The following LRRIQ1 variants were observed in gnomAD, a reference collection of about 807,000 sequenced individuals.
LRRIQ1 encodes the protein leucine rich repeats and IQ motif containing 1, also known as leucine-rich repeat- and IQ domain-containing protein 1.
Under a neutral mutation model 211.9 loss-of-function variants are expected in LRRIQ1, and 210 were observed. That is an observed-to-expected ratio of 0.99 (90% CI 0.89 to 1.11). The LOEUF is 1.11. Among genes scored for constraint, LRRIQ1 ranks in the 50% most tolerant of loss-of-function variants. The probability of loss-of-function intolerance (pLI) is 0.00; values close to 1 mark genes in which losing one functional copy is unlikely to be tolerated. For synonymous variants in LRRIQ1, 699 were observed against 650.1 expected, an observed-to-expected ratio of 1.08 and a Z score of -1.14; for missense variants, 2,136 against 1,939.5, an observed-to-expected ratio of 1.10 and a Z score of -1.90.
chr12:85,095,597 C>G (rs1242350979), intron 11 of LRRIQ1, among the ~76,000 whole-genome samples: 1 of 152,014 alleles, frequency 6.6e-6, no homozygotes, highest in Non-Finnish European at 1.5e-5. Flanking sequence ...GTTGTTCTGT[C>G]ACTGCCAGAT....
At chr12:85,077,646 G>T (rs1023715952) in intron 11 of LRRIQ1, among the ~76,000 whole-genome samples, 4 of 152,002 alleles carry the variant, frequency 2.6e-5, no homozygotes, top group African/African-American at 9.7e-5. Flanking sequence ...TGACATTAAA[G>T]AATTTGTAAA....
intron 19 of LRRIQ1, among the ~76,000 whole-genome samples, chr12:85,151,165 T>C (rs931198263): frequency 6.6e-6 from 1 of 151,560 alleles, no homozygotes; most frequent in East Asian, 1.9e-4. Flanking sequence ...TAATATTCGC[T>C]ACCTAGAAGA....
At chr12:85,196,751 C>G (rs1892937149) in intron 24 of LRRIQ1, among the ~76,000 whole-genome samples, 1 of 151,566 alleles carries the variant, frequency 6.6e-6, no homozygotes, top group African/African-American at 2.4e-5. Context: ...CATTACCATT[C>G]AGGACATAGG....
intron 11 of LRRIQ1, among the ~76,000 whole-genome samples, chr12:85,077,990 A>G (rs1480444672): frequency 6.7e-6 from 1 of 149,498 alleles, no homozygotes; most frequent in African/African-American, 2.5e-5. Flanking sequence ...CCTGTCTCAA[A>G]AAAAAAAAAA....
chr12:85,126,656 T>G (rs1831570336), intron 17 of LRRIQ1, among the ~76,000 whole-genome samples: 1 of 152,186 alleles, frequency 6.6e-6, no homozygotes, highest in Non-Finnish European at 1.5e-5. Flanking sequence ...ATTTTAGCCT[T>G]TAACTTCAAT....
chr12:85,198,175 TTA>T (rs1274381300), intron 24 of LRRIQ1, among the ~76,000 whole-genome samples: 2 of 130,240 alleles, frequency 1.5e-5, no homozygotes, highest in Non-Finnish European at 3.1e-5. Context: ...ATATTTATAT[TTA>T]TATATATATA....
chr12:85,069,511 G>A (rs1351759014), intron 10 of LRRIQ1, among the ~76,000 whole-genome samples: 16 of 152,052 alleles, frequency 1.1e-4, no homozygotes, highest in Admixed American at 9.2e-4. Flanking sequence ...CTGAGGAATC[G>A]CCACGCTGAC....
chr12:85,179,570 C>T (rs967012629), intron 24 of LRRIQ1, among the ~76,000 whole-genome samples: 11 of 151,926 alleles, frequency 7.2e-5, no homozygotes, highest in Admixed American at 7.2e-4. Flanking sequence ...GGAATTCATC[C>T]TTGTACTTTC....
intron 23 of LRRIQ1, among the ~76,000 whole-genome samples, chr12:85,154,672 C>G (rs1890444047): frequency 6.6e-6 from 1 of 151,078 alleles, no homozygotes. Flanking sequence ...AGTGTAATTA[C>G]TTAATATATG....
intron 2 of LRRIQ1, among the ~76,000 whole-genome samples, chr12:85,038,936 A>G (rs143552422): frequency 3.3e-5 from 5 of 151,404 alleles, no homozygotes; most frequent in Admixed American, 3.3e-4. Context: ...ATTTGTAAAT[A>G]TTGAGTGGAC....
At chr12:85,141,824 T>G (rs1889564190) in intron 19 of LRRIQ1, among the ~76,000 whole-genome samples, 1 of 151,282 alleles carries the variant, frequency 6.6e-6, no homozygotes, top group Non-Finnish European at 1.5e-5. Context: ...CTATGTTGAT[T>G]TTTTCCTTTT....
chr12:85,102,736 T>C (rs1242772644), intron 13 of LRRIQ1, among the ~76,000 whole-genome samples: 1 of 151,228 alleles, frequency 6.6e-6, no homozygotes, highest in Non-Finnish European at 1.5e-5. Flanking sequence ...GGTGGTGTTT[T>C]CTATGGCAGT....
intron 1 of LRRIQ1, among the ~76,000 whole-genome samples, chr12:85,258,444 A>G (rs974693919): frequency 6.6e-6 from 1 of 151,948 alleles, no homozygotes; most frequent in East Asian, 1.9e-4. Context: ...AAAAATCACA[A>G]TATTACGTTG....
chr12:85,205,865 T>C (rs539808859), intron 24 of LRRIQ1, among the ~76,000 whole-genome samples: 20 of 152,290 alleles, frequency 1.3e-4, no homozygotes, highest in African/African-American at 4.1e-4. Flanking sequence ...AAGCTCAGAG[T>C]TTCTTTCCTC....
intron 11 of LRRIQ1, among the ~76,000 whole-genome samples, chr12:85,074,372 A>G (rs1469435182): frequency 6.6e-6 from 1 of 151,994 alleles, no homozygotes; most frequent in Non-Finnish European, 1.5e-5. Context: ...TGACATAGGC[A>G]TGCAATGTGA....
chr12:85,227,483 A>G (rs148985321), intron 24 of LRRIQ1, among the ~76,000 whole-genome samples: 3,269 of 152,108 alleles, frequency 0.021, 113 homozygotes, highest in African/African-American at 0.075. Context: ...TTTGAGAAGT[A>G]TCTGTTCATA....
rs374483013 is a variant in LRRIQ1, at chr12:85,262,704, CCTCT to C, written c.122-210_122-207del. ...TCTATTTAATATTTTTAGTACCCTC[CCTCT>C]ATTTAACCTAAACACATTTTATACC... On this transcript the variant is annotated intron_variant, in intron 1 of 1. Transcript: ENST00000602731. 7.9e-5 allele frequency among the ~76,000 whole-genome samples: 12 copies of C among 152,032 alleles called. No homozygotes were observed. The South Asian group carries it at 2.5e-3, about 32-fold the overall frequency.
At chr12:85,215,480 T>A (rs182249471) in intron 24 of LRRIQ1, among the ~76,000 whole-genome samples, 123 of 152,290 alleles carry the variant, frequency 8.1e-4, no homozygotes, top group African/African-American at 2.7e-3. Flanking sequence ...TTAATTATTT[T>A]TCCTGATCTT....
In LRRIQ1 at chr12:85,148,649, C is replaced by A. The variant is rs183296068; in HGVS notation, c.4330-3631C>A. Among the ~76,000 whole-genome samples the A allele has an allele frequency of 2.9e-4, 44 of 151,910 alleles. 1 individual carries two copies. The highest frequency in any genetic ancestry group is 2.4e-3 in the Admixed American group (37 of 15,238). ...TCTTTTAGTAGAATGATTTATATTC[C>A]TTTGGGTATATACCTAGTAATGAGA... On this transcript the variant is annotated intron_variant, in intron 19 of 26. Transcript: ENST00000393217.
Sources: allele counts gnomAD v4.1 joint callset (sites outside exome capture counted in the v4.1 genomes callset), GRCh38; gene constraint gnomAD v4.1.1; transcripts MANE v1.5; gene names NCBI Gene and HGNC (gene_info 2026-07-23, HGNC 2026-07-21).